PCSK6: variants seen among roughly 807,000 people sequenced by gnomAD.
PCSK6 encodes the protein paired basic amino acid cleaving enzyme 4.
PCSK6 carries 85 observed loss-of-function variants against 123.3 expected under a neutral mutation model. That is an observed-to-expected ratio of 0.69 (90% CI 0.58 to 0.83). The LOEUF (loss-of-function observed/expected upper bound fraction) is 0.83. Ranked by LOEUF, PCSK6 falls within the 40% of genes least tolerant of loss-of-function variation. PCSK6 has a pLI of 0.00. For synonymous variants in PCSK6, 508 were observed against 516.0 expected, an observed-to-expected ratio of 0.98 and a Z score of 0.21; for missense variants, 1,191 against 1,282.3, an observed-to-expected ratio of 0.93 and a Z score of 1.09.
chr15:101,327,076 C>T (rs1011548043), intron 15 of PCSK6, among the ~76,000 whole-genome samples: 4 of 152,168 alleles, frequency 2.6e-5, no homozygotes, highest in Non-Finnish European at 5.9e-5. Context: ...CACAGCTAGA[C>T]AGTGCTGTCC....
intron 2 of PCSK6, among the ~76,000 whole-genome samples, chr15:101,432,363 C>G (rs2056473366): frequency 6.6e-6 from 1 of 151,246 alleles, no homozygotes; most frequent in South Asian, 2.1e-4. Flanking sequence ...GTGCTCACGC[C>G]TGTCATCCCA....
intron 5 of PCSK6, 104 bp downstream of exon 5, chr15:101,429,883 A>G (rs2056388343): frequency 1.0e-6 from 1 of 971,000 alleles, no homozygotes; most frequent in Non-Finnish European, 1.6e-6. Context: ...GGCAGGGAAG[A>G]TACGCCGGCA....
At chr15:101,355,629 G>T (rs2041014377) in intron 13 of PCSK6, among the ~76,000 whole-genome samples, 1 of 152,258 alleles carries the variant, frequency 6.6e-6, no homozygotes, top group Non-Finnish European at 1.5e-5. Context: ...CAAGGTAAGT[G>T]TGTGCTGCAT....
intron 1 of PCSK6, among the ~76,000 whole-genome samples, chr15:101,452,154 G>A (rs1053767096): frequency 1.3e-5 from 2 of 152,148 alleles, no homozygotes; most frequent in African/African-American, 4.8e-5. Context: ...ATGCAATTAA[G>A]CTGTTCAACA....
At position 101,336,830 on chromosome 15, in the gene PCSK6, GGAGCTGA is replaced by G. The variant is rs1406888875; in HGVS notation, c.1859-4806_1859-4800del. 7 of 152,288 alleles carry G rather than the reference GGAGCTGA, an allele frequency of 4.6e-5. No homozygotes were observed. The East Asian group carries it at 1.4e-3, about 29-fold the overall frequency. The allele number at this position is 152,288 out of a possible 1,614,324, so 9.4% of individuals were successfully genotyped here. Reference sequence around the variant, plus strand: ...GGCACTGACTGAGCTAACAACCTGCGGAGCTGAGAGCTGGGAGCTCCAAAAACGCCAG... The same window carrying G: ...GGCACTGACTGAGCTAACAACCTGCGGAGCTGGGAGCTCCAAAAACGCCAG... On this transcript the variant is annotated intron_variant, in intron 13 of 21. Coordinates refer to ENST00000611716, the MANE Select transcript of PCSK6 (RefSeq NM_002570.5).
At chr15:101,409,076 G>T (rs2042862947) in intron 6 of PCSK6, among the ~76,000 whole-genome samples, 1 of 152,202 alleles carries the variant, frequency 6.6e-6, no homozygotes. Context: ...GCTCCCTGCG[G>T]TCTCCAGCTG....
At chr15:101,452,265 G>A (rs1187984665) in intron 1 of PCSK6, among the ~76,000 whole-genome samples, 8 of 152,124 alleles carry the variant, frequency 5.3e-5, no homozygotes, top group African/African-American at 1.7e-4. Flanking sequence ...GGATGAGAAC[G>A]TTTAATTTCT....
chr15:101,384,069 G>A (rs2041987133), intron 10 of PCSK6: 3 of 961,906 alleles, frequency 3.1e-6, no homozygotes, highest in Non-Finnish European at 3.7e-6. Flanking sequence ...GGTATAGGTG[G>A]TGTCTCGGTG....
intron 20 of PCSK6, among the ~76,000 whole-genome samples, chr15:101,310,926 A>C (rs937836652): frequency 1.3e-5 from 2 of 152,014 alleles, no homozygotes; most frequent in African/African-American, 4.8e-5. Flanking sequence ...AAGCCCCCCG[A>C]TATGGTTTGA....
At chr15:101,318,695 G>A (rs1596175525) in intron 18 of PCSK6, among the ~76,000 whole-genome samples, 1 of 152,370 alleles carries the variant, frequency 6.6e-6, no homozygotes, top group East Asian at 1.9e-4. Context: ...TTTTCTTACT[G>A]TCATTTCTCC....
intron 1 of PCSK6, among the ~76,000 whole-genome samples, chr15:101,483,133 A>G (rs1028335755): frequency 6.6e-6 from 1 of 152,200 alleles, no homozygotes; most frequent in African/African-American, 2.4e-5. Flanking sequence ...TAAAACCAAG[A>G]CAGCCTTAGA....
chr15:101,474,910 G>A (rs1567249854), intron 1 of PCSK6, among the ~76,000 whole-genome samples: 1 of 152,192 alleles, frequency 6.6e-6, no homozygotes, highest in Non-Finnish European at 1.5e-5. Context: ...GCCTCTTCAT[G>A]AGACTCTTTT....
At chr15:101,404,422 C>T (rs1419469760) in intron 6 of PCSK6, among the ~76,000 whole-genome samples, 3 of 152,190 alleles carry the variant, frequency 2.0e-5, no homozygotes, top group Non-Finnish European at 4.4e-5. Flanking sequence ...CATGTGCCTG[C>T]CATCCCATCT....
At chr15:101,448,521 G>A (rs2056950798) in intron 1 of PCSK6, among the ~76,000 whole-genome samples, 1 of 152,200 alleles carries the variant, frequency 6.6e-6, no homozygotes, top group Non-Finnish European at 1.5e-5. Context: ...GAGTGCCCCT[G>A]GCTCATTACA....
At chr15:101,325,783 A>G (rs918812177) in intron 16 of PCSK6, among the ~76,000 whole-genome samples, 1 of 152,224 alleles carries the variant, frequency 6.6e-6, no homozygotes, top group African/African-American at 2.4e-5. Flanking sequence ...GAGGCCACAC[A>G]GGAGGGCACA....
intron 13 of PCSK6, among the ~76,000 whole-genome samples, chr15:101,363,758 G>A (rs1283827357): frequency 6.6e-6 from 1 of 151,446 alleles, no homozygotes; most frequent in East Asian, 1.9e-4. Context: ...GCCTCCCTAA[G>A]AGCTGGGACT....
At chr15:101,337,566 A>G (rs1015730953) in intron 13 of PCSK6, 1 of 152,238 alleles carries the variant, frequency 6.6e-6, no homozygotes, top group African/African-American at 2.4e-5. Context: ...TTTCCTATGC[A>G]TGTGTATTTC....
intron 13 of PCSK6, among the ~76,000 whole-genome samples, chr15:101,361,927 T>C (rs2141439605): frequency 6.7e-6 from 1 of 149,158 alleles, no homozygotes; most frequent in East Asian, 2.0e-4. Context: ...CTCCTGGGAT[T>C]TGGCCAAGCA....
At chr15:101,393,471 T>C in intron 7 of PCSK6, 47 bp from the exon 8 acceptor site, 3 of 1,499,170 alleles carry the variant, frequency 2.0e-6, no homozygotes, top group Non-Finnish European at 2.7e-6. Flanking sequence ...CAGAACCTCG[T>C]AGGGTGGGTC....
Sources: allele counts gnomAD v4.1 joint callset (sites outside exome capture counted in the v4.1 genomes callset), GRCh38; gene constraint gnomAD v4.1.1; transcripts MANE v1.5; gene names NCBI Gene and HGNC (gene_info 2026-07-23, HGNC 2026-07-21).